Variants in BTAF1 observed in about 807,000 individuals in gnomAD.
The protein encoded by BTAF1 is B-TFIID TATA-box binding protein associated factor 1.
A neutral mutation model predicts 227.1 loss-of-function variants in BTAF1; 38 were observed. The ratio of observed to expected loss-of-function variants is 0.17; its 90% confidence interval spans 0.13 to 0.22. The LOEUF is 0.22. Among genes scored for constraint, BTAF1 ranks in the 10% least tolerant of loss-of-function variants. The pLI, the probability that BTAF1 is intolerant of heterozygous loss-of-function variation, is 1.00. For missense variants in BTAF1, 1,598 were observed against 2,204.0 expected (o/e 0.73, Z 5.51); for synonymous variants, 742 against 751.9 (o/e 0.99, Z 0.21).
At chr10:91,963,704 GAT>G (rs1846688621) in intron 12 of BTAF1, among the ~76,000 whole-genome samples, 1 of 152,164 alleles carries the variant, frequency 6.6e-6, no homozygotes, top group South Asian at 2.1e-4. Flanking sequence ...TTTTTATGAT[GAT>G]TAGTACCATT....
intron 23 of BTAF1, among the ~76,000 whole-genome samples, chr10:91,995,662 C>CGA (rs1264659624): frequency 6.7e-6 from 1 of 149,158 alleles, no homozygotes; most frequent in East Asian, 2.0e-4. Context: ...GGCGACAGAG[C>CGA]GAGACTCAGT....
chr10:92,029,132 A>G lies in BTAF1; in HGVS notation c.*199A>G. The stretch of plus-strand genomic sequence containing the variant: ...TGCACTGTATTAAATTTAAATGTTA[A>G]TGTGAAATGGTTTAAATTTTACATG... On this transcript the variant is annotated 3_prime_UTR_variant, in exon 38 of 38. Transcript: ENST00000265990. 2.1e-6 allele frequency: 1 copy of G among 482,286 alleles called. No homozygotes were observed. 29.9% of individuals were successfully genotyped at this position (482,286 alleles called of 1,614,324 possible).
At chr10:92,021,699 G>A (rs10882017) in intron 34 of BTAF1, among the ~76,000 whole-genome samples, 2,599 of 151,880 alleles carry the variant, frequency 0.017, 70 homozygotes, top group African/African-American at 0.057. Flanking sequence ...CCACCACCAC[G>A]CCCGGCTAAT....
rs1206825069 is a variant in BTAF1, at chr10:92,025,443, T to TA, written c.5075+486dup. 1.4e-3 allele frequency among the ~76,000 whole-genome samples: 213 copies of TA among 147,990 alleles called. 1 individual carries two copies. The highest frequency in any genetic ancestry group is 6.8e-3 in the Middle Eastern group (2 of 292). ...AAATCTCAGTGGTTGCTTTTTTTTT[T>TA]AAAAAAAAAATGCAGATTCCTAGGT... On this transcript the variant is annotated intron_variant, in intron 35 of 37. Coordinates refer to ENST00000265990, the MANE Select transcript of BTAF1 (RefSeq NM_003972.3).
intron 11 of BTAF1, among the ~76,000 whole-genome samples, chr10:91,961,859 T>G (rs1396796322): frequency 6.6e-5 from 10 of 152,138 alleles, no homozygotes; most frequent in Admixed American, 6.5e-4. Flanking sequence ...TTTCTTTCAC[T>G]CTTCTCTCAT....
chr10:91,933,382 C>G (rs895508593), intron 1 of BTAF1, among the ~76,000 whole-genome samples: 3 of 152,062 alleles, frequency 2.0e-5, no homozygotes, highest in East Asian at 1.9e-4. Context: ...AATATTTGTT[C>G]TGGATATAAT....
intron 25 of BTAF1, among the ~76,000 whole-genome samples, chr10:92,007,426 A>T (rs1328881721): frequency 6.6e-6 from 1 of 152,032 alleles, no homozygotes; most frequent in Non-Finnish European, 1.5e-5. Context: ...CATGTTGGCC[A>T]GGCTGGTCTT....
chr10:91,977,076 G>T (rs186680845), intron 14 of BTAF1, among the ~76,000 whole-genome samples: 233 of 152,296 alleles, frequency 1.5e-3, no homozygotes, highest in Non-Finnish European at 2.2e-3. Flanking sequence ...GGAGGGAATA[G>T]TATGTGTAAC....
At chr10:91,991,413 C>A (rs1039416500) in intron 20 of BTAF1, among the ~76,000 whole-genome samples, 4 of 149,866 alleles carry the variant, frequency 2.7e-5, no homozygotes, top group Non-Finnish European at 5.9e-5. Flanking sequence ...CCACTGCACC[C>A]CAGCCTAGGT....
intron 24 of BTAF1, among the ~76,000 whole-genome samples, chr10:91,997,344 G>A (rs953524114): frequency 2.0e-5 from 3 of 152,140 alleles, no homozygotes; most frequent in African/African-American, 7.2e-5. Flanking sequence ...TATTGGTAAA[G>A]CTTTCTCCAG....
chr10:92,014,033 A>G lies in BTAF1; in HGVS notation c.4584+4A>G. ...TTGTACTCTTAGTCCTCTCCAGGTT[A>G]GGAATCTCGTGTTTATCATTGTTAG... On this transcript the variant is annotated splice_donor_region_variant and intron_variant, in intron 32 of 37. Coordinates refer to ENST00000265990, the MANE Select transcript of BTAF1 (RefSeq NM_003972.3). The G allele has an allele frequency of 6.2e-7, 1 of 1,605,204 alleles. No homozygotes were observed. The highest frequency in any genetic ancestry group is 8.5e-7 in the Non-Finnish European group (1 of 1,177,626).
chr10:91,989,103 T>C (rs775205204), intron 19 of BTAF1, 51 bp from the exon 20 acceptor site: 1 of 1,460,660 alleles, frequency 6.8e-7, no homozygotes, highest in Admixed American at 2.2e-5. Flanking sequence ...GCTTACAGTC[T>C]ATTTGGGGTT....
rs1046529304 is a variant in BTAF1 at position 91,924,165 on chromosome 10, C to T, written c.14+75C>T. 11 of 1,560,244 alleles carry T rather than the reference C, an allele frequency of 7.1e-6. No homozygotes were observed. In the Admixed American group the frequency reaches 1.7e-4, roughly 24 times the overall value. On this transcript the variant is annotated intron_variant, in intron 1 of 37. Transcript: ENST00000265990. ...TGGTCTCCTCTTAGAGCCCCCACTC[C>T]TAGAGAAGAGCGGTTCTCATTGTCA...
Position 91,959,706 on chromosome 10 carries a change from T to C in BTAF1, c.991-79T>C, listed in dbSNP as rs142063545. The C allele has an allele frequency of 8.8e-4, 560 of 638,938 alleles. 10 individuals carry two copies. The African/African-American group carries it at 0.01, about 12-fold the overall frequency. 39.6% of individuals were successfully genotyped at this position (638,938 alleles called of 1,614,324 possible). Reference sequence around the variant, plus strand: ...GTATGATCTTTGTTTTTAAAAAAATTATGTTAAAAAAATGTGTGTGTGTGT... The same window carrying C: ...GTATGATCTTTGTTTTTAAAAAAATCATGTTAAAAAAATGTGTGTGTGTGT... On this transcript the variant is annotated intron_variant, in intron 9 of 37. Coordinates refer to ENST00000265990, the MANE Select transcript of BTAF1 (RefSeq NM_003972.3).
intron 19 of BTAF1, among the ~76,000 whole-genome samples, chr10:91,986,296 C>G (rs1467170277): frequency 6.6e-6 from 1 of 152,110 alleles, no homozygotes; most frequent in Non-Finnish European, 1.5e-5. Flanking sequence ...GCCATTTGTT[C>G]AATGTATTTG....
intron 28 of BTAF1, 56 bp from the exon 29 acceptor site, chr10:92,011,017 C>A: frequency 7.9e-7 from 1 of 1,261,688 alleles, no homozygotes; most frequent in Non-Finnish European, 1.1e-6. Context: ...CAAATGGTAG[C>A]TATTAAGAAC....
intron 5 of BTAF1, among the ~76,000 whole-genome samples, chr10:91,952,837 A>G (rs1253178900): frequency 2.0e-5 from 3 of 152,216 alleles, no homozygotes; most frequent in Non-Finnish European, 2.9e-5. Flanking sequence ...GATAAAGAGG[A>G]TAATAGAATA....
intron 4 of BTAF1, among the ~76,000 whole-genome samples, chr10:91,950,589 C>G (rs565065210): frequency 6.6e-6 from 1 of 151,760 alleles, no homozygotes. Flanking sequence ...TGTTTTGCAC[C>G]GAAGGATTGA....
At position 91,960,092 on chromosome 10, in the gene BTAF1, G is replaced by A. The variant is rs375893449; in HGVS notation, c.1201G>A (p.Glu401Lys). ...TGTGCTGCTAAAATTACTTACACAAGAACAATGGGAAGTTAGACATGGTGG... is the reference window on the plus strand; with the variant it reads ...TGTGCTGCTAAAATTACTTACACAAAAACAATGGGAAGTTAGACATGGTGG... Reference protein sequence around the residue: ...VDVLLKLLTQEQWEVRHGGLL... With the variant: ...VDVLLKLLTQKQWEVRHGGLL... The change falls in exon 11 of 38, where the codon GAA (glutamate) becomes AAA (lysine). Residue 401 changes from glutamate to lysine, a missense_variant. Physicochemically the swap from Glu to Lys is moderately conservative, Grantham distance 56. This residue lies in a region of BTAF1 where 52 missense variants were observed against 72.4 expected (regional missense o/e 0.72). Coordinates refer to ENST00000265990, the MANE Select transcript of BTAF1 (RefSeq NM_003972.3). The A allele has an allele frequency of 1.9e-6, 3 of 1,613,830 alleles. 1 individual carries two copies. In the South Asian group the frequency reaches 3.3e-5, roughly 18 times the overall value.
Sources: gnomAD v4.1 joint callset for allele counts (sites outside exome capture counted in the v4.1 genomes callset) on GRCh38, gnomAD v4.1.1 for gene constraint, gnomAD v4.1.1 regional missense constraint, MANE v1.5 for transcripts, NCBI Gene and HGNC (gene_info 2026-07-23, HGNC 2026-07-21) for gene names.